The following ATP5F1D variants were observed in gnomAD, a reference collection of about 807,000 sequenced individuals.
ATP5F1D encodes the protein ATP synthase F1 subunit delta, also known as ATP synthase F(1) complex subunit delta, mitochondrial.
A neutral mutation model predicts 13.0 loss-of-function variants in ATP5F1D; 16 were observed. That is an observed-to-expected ratio of 1.23 (90% CI 0.83 to 1.87). The LOEUF is 1.87. Ranked by LOEUF, ATP5F1D falls within the 40% of genes most tolerant of loss-of-function variation. The pLI is 0.00. For synonymous variants in ATP5F1D, 129 were observed against 116.2 expected, an observed-to-expected ratio of 1.11 and a Z score of -0.71; for missense variants, 294 against 246.2, an observed-to-expected ratio of 1.19 and a Z score of -1.30.
Position 1,244,523 on chromosome 19 carries a change from A to G in ATP5F1D, c.*86A>G. On this transcript the variant is annotated 3_prime_UTR_variant, in exon 4 of 4. Coordinates refer to ENST00000215375, the MANE Select transcript of ATP5F1D (RefSeq NM_001687.5). ...CCAGCCAGCTCCTGGGGTCCCGGCCACCTGGGGAAGCCGCGCCTGCCAAGG... is the reference window on the plus strand; with the variant it reads ...CCAGCCAGCTCCTGGGGTCCCGGCCGCCTGGGGAAGCCGCGCCTGCCAAGG... 6.7e-7 allele frequency: 1 copy of G among 1,495,034 alleles called. No homozygotes were observed. Among genetic ancestry groups the G allele is most frequent in the Non-Finnish European group, 8.9e-7 (1 of 1,117,882 alleles). The allele number at this position is 1,495,034 out of a possible 1,614,324, so 92.6% of individuals were successfully genotyped here. A position where few individuals can be genotyped will look rare whatever the true frequency, so the allele number is the denominator to read the frequency against.
chr19:1,242,366 C>G, intron 1 of ATP5F1D, 90 bp from the exon 2 acceptor site: 1 of 1,401,620 alleles, frequency 7.1e-7, no homozygotes, highest in Middle Eastern at 2.6e-4. Context: ...CAGGTCCTGC[C>G]CTGACCCATT....
Position 1,244,647 on chromosome 19 carries a change from G to GAGC in ATP5F1D, c.*211_*213dup, listed in dbSNP as rs758291144. The stretch of plus-strand genomic sequence containing the variant: ...GCCAGGGAAGCTCCTCCTCAGCTTT[G>GAGC]AGCTGTGGCTGCCACCCATGGGGCT... On this transcript the variant is annotated 3_prime_UTR_variant, in exon 4 of 4. Transcript: ENST00000215375. 27 of 750,172 alleles carry GAGC rather than the reference G, an allele frequency of 3.6e-5. No individual in the cohort carries two copies. Among genetic ancestry groups the GAGC allele is most frequent in the Non-Finnish European group, 5.2e-5 (25 of 481,024 alleles). The allele number at this position is 750,172 out of a possible 1,614,324, so 46.5% of individuals were successfully genotyped here.
In ATP5F1D at chr19:1,244,135, G is replaced by T. The variant is rs762249467; in HGVS notation, c.334G>T (p.Val112Leu). The T allele has an allele frequency of 1.7e-5, 27 of 1,612,376 alleles. No individual in the cohort carries two copies. The highest frequency in any genetic ancestry group is 2.3e-5 in the Non-Finnish European group (27 of 1,179,456). The change falls in exon 3 of 4, where the codon GTG becomes TTG. Residue 112 changes from valine (V) to leucine (L), a missense_variant. Val to Leu is a conservative substitution (Grantham distance 32). Coordinates refer to ENST00000215375, the MANE Select transcript of ATP5F1D (RefSeq NM_001687.5). Reference sequence around the variant, plus strand: ...CATCGCAGTGAACGCCGACTCTTCGGTGCAGTTGTTGGCCGAAGAGGCCGT... The same window carrying T: ...CATCGCAGTGAACGCCGACTCTTCGTTGCAGTTGTTGGCCGAAGAGGCCGT... ...GSIAVNADSS[V>L]QLLAEEAVTL...
Position 1,244,626 on chromosome 19 carries a change from G to A in ATP5F1D, c.*189G>A, listed in dbSNP as rs2081054539. 1 of 903,128 alleles carries A rather than the reference G, an allele frequency of 1.1e-6. No homozygotes were observed. The highest frequency in any genetic ancestry group is 1.8e-5 in the South Asian group (1 of 55,688). 55.9% of individuals were successfully genotyped at this position (903,128 alleles called of 1,614,324 possible). ...GTTGAAAGCTCTGGGGACTGGGCCA[G>A]GGAAGCTCCTCCTCAGCTTTGAGCT... On this transcript the variant is annotated 3_prime_UTR_variant, in exon 4 of 4. Coordinates refer to ENST00000215375, the MANE Select transcript of ATP5F1D (RefSeq NM_001687.5).
rs1351311591 is a variant in ATP5F1D at position 1,241,789 on chromosome 19, G to T, written c.-62G>T. On this transcript the variant is annotated 5_prime_UTR_variant, in exon 1 of 4. Transcript: ENST00000215375. ...CGTCGTCCTCCTCGCCCTCCAGGCCGCCCGCGCCGCGCCGGAGTCCGCTGT... is the reference window on the plus strand; with the variant it reads ...CGTCGTCCTCCTCGCCCTCCAGGCCTCCCGCGCCGCGCCGGAGTCCGCTGT... 1.6e-6 allele frequency: 2 copies of T among 1,276,662 alleles called. No individual in the cohort carries two copies. The highest frequency in any genetic ancestry group is 3.1e-5 in the African/African-American group (2 of 63,516). 79.1% of individuals were successfully genotyped at this position (1,276,662 alleles called of 1,614,324 possible). A position where few individuals can be genotyped will look rare whatever the true frequency, so the allele number is the denominator to read the frequency against.
intron 1 of ATP5F1D, 171 bp downstream of exon 1, chr19:1,242,162 GC>G: frequency 1.0e-6 from 1 of 972,586 alleles, no homozygotes; most frequent in Non-Finnish European, 1.4e-6. Context: ...GCCCTGCGCT[GC>G]CCTCGTCCCG....
rs1055403220 is a variant in ATP5F1D at position 1,244,249 on chromosome 19, C to T, written c.384+64C>T. The T allele has an allele frequency of 2.3e-5, 37 of 1,580,532 alleles. No individual in the cohort carries two copies. The African/African-American group carries it at 2.8e-4, about 12-fold the overall frequency. On this transcript the variant is annotated intron_variant, in intron 3 of 3. Transcript: ENST00000215375. ...GCTGTCCAGGCTGCGGGGGAGGGAGCGCTGGGGGACCAGGAGCCGGGCTGG... is the reference window on the plus strand; with the variant it reads ...GCTGTCCAGGCTGCGGGGGAGGGAGTGCTGGGGGACCAGGAGCCGGGCTGG...
intron 1 of ATP5F1D, 103 bp downstream of exon 1, chr19:1,242,094 C>T (rs1176757857): frequency 5.6e-6 from 7 of 1,244,168 alleles, no homozygotes; most frequent in Non-Finnish European, 3.0e-6. Flanking sequence ...CGGACCCGCG[C>T]GCCCCGGAAG....
chr19:1,242,314 C>A, intron 1 of ATP5F1D, 142 bp from the exon 2 acceptor site: 1 of 1,078,168 alleles, frequency 9.3e-7, no homozygotes, highest in Non-Finnish European at 1.2e-6. Context: ...GCTGCAACTT[C>A]GGATCCCTGC....
chr19:1,242,061 C>T, intron 1 of ATP5F1D, 70 bp downstream of exon 1: 1 of 1,295,956 alleles, frequency 7.7e-7, no homozygotes, highest in East Asian at 2.9e-5. Flanking sequence ...ACCCCCAGGG[C>T]GCGACCCCCG....
In ATP5F1D at chr19:1,244,521, C is replaced by T; in HGVS notation, c.*84C>T. 2 of 1,496,954 alleles carry T rather than the reference C, an allele frequency of 1.3e-6. No individual in the cohort carries two copies. Among genetic ancestry groups the T allele is most frequent in the Non-Finnish European group, 1.8e-6 (2 of 1,118,780 alleles). The allele number at this position is 1,496,954 out of a possible 1,614,324, so 92.7% of individuals were successfully genotyped here. Reference sequence around the variant, plus strand: ...GCCCAGCCAGCTCCTGGGGTCCCGGCCACCTGGGGAAGCCGCGCCTGCCAA... The same window carrying T: ...GCCCAGCCAGCTCCTGGGGTCCCGGTCACCTGGGGAAGCCGCGCCTGCCAA... On this transcript the variant is annotated 3_prime_UTR_variant, in exon 4 of 4. Coordinates refer to ENST00000215375, the MANE Select transcript of ATP5F1D (RefSeq NM_001687.5).
In ATP5F1D at chr19:1,244,585, C is replaced by T. The variant is rs948859084; in HGVS notation, c.*148C>T. ...GGGCAGTGCAGGCTTCTGCCTGGGC[C>T]CCAGGCCCTGCCTGTGTTGAAAGCT... is the stretch of plus-strand genomic sequence containing the variant. On this transcript the variant is annotated 3_prime_UTR_variant, in exon 4 of 4. Coordinates refer to ENST00000215375, the MANE Select transcript of ATP5F1D (RefSeq NM_001687.5). 7 of 1,273,262 alleles carry T rather than the reference C, an allele frequency of 5.5e-6. No individual in the cohort carries two copies. In the Admixed American group the frequency reaches 8.6e-5, roughly 16 times the overall value. 78.9% of individuals were successfully genotyped at this position (1,273,262 alleles called of 1,614,324 possible). A position where few individuals can be genotyped will look rare whatever the true frequency, so the allele number is the denominator to read the frequency against.
chr19:1,241,790 CCCGCG>C lies in ATP5F1D; in HGVS notation c.-52_-48del. On this transcript the variant is annotated 5_prime_UTR_variant, in exon 1 of 4. Coordinates refer to ENST00000215375, the MANE Select transcript of ATP5F1D (RefSeq NM_001687.5). ...GTCGTCCTCCTCGCCCTCCAGGCCGCCCGCGCCGCGCCGGAGTCCGCTGTCCGCCA... is the reference window on the plus strand; with the variant it reads ...GTCGTCCTCCTCGCCCTCCAGGCCGCCCGCGCCGGAGTCCGCTGTCCGCCA... The C allele has an allele frequency of 7.8e-7, 1 of 1,279,406 alleles. No homozygotes were observed. Among genetic ancestry groups the C allele is most frequent in the South Asian group, 2.4e-5 (1 of 41,860 alleles). The allele number at this position is 1,279,406 out of a possible 1,614,324, so 79.3% of individuals were successfully genotyped here.
At chr19:1,242,330 G>A in intron 1 of ATP5F1D, 126 bp from the exon 2 acceptor site, 4 of 1,198,504 alleles carry the variant, frequency 3.3e-6, no homozygotes, top group African/African-American at 1.6e-5. Flanking sequence ...CCTGCGCTGG[G>A]TTGTCTCAGT....
chr19:1,242,601 A>G lies in ATP5F1D; in HGVS notation c.287A>G (p.Lys96Arg), dbSNP rs1159240197. The G allele has an allele frequency of 2.0e-6, 3 of 1,523,182 alleles. No homozygotes were observed. The highest frequency in any genetic ancestry group is 5.1e-5 in the East Asian group (2 of 39,466). 94.4% of individuals were successfully genotyped at this position (1,523,182 alleles called of 1,614,324 possible). A position where few individuals can be genotyped will look rare whatever the true frequency, so the allele number is the denominator to read the frequency against. Residue 96 changes from lysine (K) to arginine (R), a missense_variant, in exon 2 of 4, where the codon AAA (lysine) becomes AGA (arginine). Coordinates refer to ENST00000215375, the MANE Select transcript of ATP5F1D (RefSeq NM_001687.5). ...VVHAEDGTTS[K>R]YFVSSGSIAV... ...CATGCAGAGGACGGCACCACCTCCA[A>G]ATACTTTGGTGAGTCCGGTGGAGGG...
At position 1,244,702 on chromosome 19, in the gene ATP5F1D, C is replaced by G; in HGVS notation, c.*265C>G. On this transcript the variant is annotated 3_prime_UTR_variant, in exon 4 of 4. Coordinates refer to ENST00000215375, the MANE Select transcript of ATP5F1D (RefSeq NM_001687.5). Reference sequence around the variant, plus strand: ...TTCCGCCTCTCAAGATCCCCCCAGCCTGACGGGCCGCTTACCATCCCCTCT... The same window carrying G: ...TTCCGCCTCTCAAGATCCCCCCAGCGTGACGGGCCGCTTACCATCCCCTCT... 1 of 500,708 alleles carries G rather than the reference C, an allele frequency of 2.0e-6. No individual in the cohort carries two copies. The highest frequency in any genetic ancestry group is 3.5e-6 in the Non-Finnish European group (1 of 286,602). The allele number at this position is 500,708 out of a possible 1,614,324, so 31.0% of individuals were successfully genotyped here. A position where few individuals can be genotyped will look rare whatever the true frequency, so the allele number is the denominator to read the frequency against.
Position 1,244,677 on chromosome 19 carries a change from T to G in ATP5F1D, c.*240T>G. 1 of 581,326 alleles carries G rather than the reference T, an allele frequency of 1.7e-6. No individual in the cohort carries two copies. 36.0% of individuals were successfully genotyped at this position (581,326 alleles called of 1,614,324 possible). A position where few individuals can be genotyped will look rare whatever the true frequency, so the allele number is the denominator to read the frequency against. ...GTGGCTGCCACCCATGGGGCTCTCC[T>G]TCCGCCTCTCAAGATCCCCCCAGCC... On this transcript the variant is annotated 3_prime_UTR_variant, in exon 4 of 4. Coordinates refer to ENST00000215375, the MANE Select transcript of ATP5F1D (RefSeq NM_001687.5).
rs1026258083 is a variant in ATP5F1D, at chr19:1,242,722, G to T, written c.295+113G>T. The T allele has an allele frequency of 9.9e-6, 13 of 1,308,804 alleles. No individual in the cohort carries two copies. The African/African-American group carries it at 1.4e-4, about 14-fold the overall frequency. The allele number at this position is 1,308,804 out of a possible 1,614,324, so 81.1% of individuals were successfully genotyped here. A position where few individuals can be genotyped will look rare whatever the true frequency, so the allele number is the denominator to read the frequency against. On this transcript the variant is annotated intron_variant, in intron 2 of 3. Coordinates refer to ENST00000215375, the MANE Select transcript of ATP5F1D (RefSeq NM_001687.5). ...AAATAGTTTTAGGCCGGGCACGGTG[G>T]CTCAAGCCTGTAATCCCAGCACTTT...
At position 1,244,729 on chromosome 19, in the gene ATP5F1D, C is replaced by T. The variant is rs990900882; in HGVS notation, c.*292C>T. 4.2e-5 allele frequency: 16 copies of T among 379,452 alleles called. No homozygotes were observed. Among genetic ancestry groups the T allele is most frequent in the Middle Eastern group, 1.5e-3 (2 of 1,296 alleles). The allele number at this position is 379,452 out of a possible 1,614,324, so 23.5% of individuals were successfully genotyped here. On this transcript the variant is annotated 3_prime_UTR_variant, in exon 4 of 4. Transcript: ENST00000215375. ...GACGGGCCGCTTACCATCCCCTCTG[C>T]CCTGCAGAGCCAGCCGCCAAGGTTG...
Sources: gnomAD v4.1 joint callset for allele counts on GRCh38, gnomAD v4.1.1 for gene constraint, MANE v1.5 for transcripts, NCBI Gene and HGNC (gene_info 2026-07-23, HGNC 2026-07-21) for gene names.